The following AGBL3 variants were observed in gnomAD, a reference collection of about 807,000 sequenced individuals.
AGBL3 encodes the protein cytosolic carboxypeptidase 3.
AGBL3 carries 68 observed loss-of-function variants against 94.5 expected under a neutral mutation model. The ratio of observed to expected loss-of-function variants is 0.72; its 90% CI spans 0.59 to 0.88. The LOEUF is 0.88. Among genes scored for constraint, AGBL3 ranks in the 40% least tolerant of loss-of-function variants. AGBL3 has a pLI of 0.00. For synonymous variants in AGBL3, 354 were observed against 370.7 expected, an observed-to-expected ratio of 0.95 and a Z score of 0.52; for missense variants, 934 against 1,103.8, an observed-to-expected ratio of 0.85 and a Z score of 2.18.
At chr7:135,096,786 A>AGAAAGAAG (rs1491093705) in intron 15 of AGBL3, among the ~76,000 whole-genome samples, 5 of 150,808 alleles carry the variant, frequency 3.3e-5, no homozygotes, top group South Asian at 2.1e-4. Flanking sequence ...AAAGAAAGAA[A>AGAAAGAAG]GAAAGAAAAA....
At chr7:135,035,071 C>T in intron 7 of AGBL3, 143 bp downstream of exon 7, 1 of 753,192 alleles carries the variant, frequency 1.3e-6, no homozygotes, top group Non-Finnish European at 1.9e-6. Flanking sequence ...CCCCGTTATT[C>T]ACAACTGTGA....
chr7:135,066,611 C>T (rs984953505), intron 12 of AGBL3, among the ~76,000 whole-genome samples: 5 of 152,222 alleles, frequency 3.3e-5, no homozygotes, highest in African/African-American at 1.2e-4. Context: ...AATCACCCTT[C>T]TGGTATTTAT....
At chr7:135,015,398 T>C (rs1813655122) in intron 4 of AGBL3, among the ~76,000 whole-genome samples, 1 of 152,212 alleles carries the variant, frequency 6.6e-6, no homozygotes, top group Non-Finnish European at 1.5e-5. Context: ...ATATGTCCAT[T>C]CATCTGTCTG....
chr7:135,094,593 GAGA>G (rs1454321822), intron 15 of AGBL3: 4 of 454,028 alleles, frequency 8.8e-6, no homozygotes, highest in Middle Eastern at 3.4e-4. Flanking sequence ...CTGGAAAGGG[GAGA>G]AGAAGAGTAA....
At chr7:135,112,675 T>C (rs1020535911) in intron 15 of AGBL3, among the ~76,000 whole-genome samples, 1 of 152,264 alleles carries the variant, frequency 6.6e-6, no homozygotes, top group Admixed American at 6.5e-5. Context: ...TTTTGCTCTC[T>C]AGTCCTGATT....
intron 12 of AGBL3, among the ~76,000 whole-genome samples, chr7:135,061,511 T>C (rs545310226): frequency 1.3e-5 from 2 of 152,296 alleles, no homozygotes; most frequent in East Asian, 3.9e-4. Flanking sequence ...TCAGTAGTTT[T>C]ATAGTTTCAA....
At chr7:135,034,074 T>A (rs1017075402) in intron 6 of AGBL3, 75 bp from the exon 7 acceptor site, 1 of 1,273,604 alleles carries the variant, frequency 7.9e-7, no homozygotes, top group African/African-American at 1.5e-5. Context: ...TAACTCAAAA[T>A]TTTACATTGG....
chr7:135,128,625 G>A (rs778359096), intron 16 of AGBL3: 38 of 806,942 alleles, frequency 4.7e-5, no homozygotes, highest in African/African-American at 1.0e-4. Flanking sequence ...CCCTGGCAGC[G>A]TGATCCCGTT....
chr7:135,107,042 G>A (rs967604675), intron 15 of AGBL3, among the ~76,000 whole-genome samples: 1 of 151,892 alleles, frequency 6.6e-6, no homozygotes, highest in African/African-American at 2.4e-5. Flanking sequence ...TTTACTGTGG[G>A]GTTAGTGGTA....
intron 12 of AGBL3, among the ~76,000 whole-genome samples, chr7:135,062,062 C>T (rs7794235): frequency 0.49 from 73,609 of 151,702 alleles, 18,217 homozygotes; most frequent in South Asian, 0.66. Flanking sequence ...TGTCTTCTTC[C>T]ATTTCTTTTA....
chr7:135,090,289 G>T (rs1821666809), intron 15 of AGBL3, among the ~76,000 whole-genome samples: 1 of 152,150 alleles, frequency 6.6e-6, no homozygotes, highest in Admixed American at 6.5e-5. Context: ...GCCCTAGAGG[G>T]CCCAGCAGAG....
At chr7:135,021,991 A>G (rs1179936093) in intron 5 of AGBL3, among the ~76,000 whole-genome samples, 1 of 152,196 alleles carries the variant, frequency 6.6e-6, no homozygotes, top group Non-Finnish European at 1.5e-5. Flanking sequence ...TGCAAAGGAC[A>G]TGATCTCATT....
intron 15 of AGBL3, among the ~76,000 whole-genome samples, chr7:135,103,730 CAG>C: frequency 6.6e-6 from 1 of 152,252 alleles, no homozygotes; most frequent in Admixed American, 6.5e-5. Flanking sequence ...TATAAATAAG[CAG>C]AGTCAGGCAG....
chr7:135,117,744 T>C (rs1027419022), intron 16 of AGBL3, among the ~76,000 whole-genome samples: 10 of 152,238 alleles, frequency 6.6e-5, no homozygotes, highest in African/African-American at 2.4e-4. Context: ...TATTTCCATA[T>C]ACACCTATAT....
At chr7:135,008,036 C>A (rs1812611594) in intron 4 of AGBL3, among the ~76,000 whole-genome samples, 1 of 151,962 alleles carries the variant, frequency 6.6e-6, no homozygotes, top group African/African-American at 2.4e-5. Context: ...AAAAGACTTA[C>A]TATTATTACG....
chr7:135,095,909 T>G (rs1453204785), intron 15 of AGBL3, among the ~76,000 whole-genome samples: 1 of 152,190 alleles, frequency 6.6e-6, no homozygotes, highest in Non-Finnish European at 1.5e-5. Flanking sequence ...CCCAGCACTT[T>G]GGGAGGCTGA....
chr7:135,028,623 T>A (rs1459693162), intron 5 of AGBL3, among the ~76,000 whole-genome samples: 1 of 152,180 alleles, frequency 6.6e-6, no homozygotes, highest in Non-Finnish European at 1.5e-5. Flanking sequence ...CTCAAACTTA[T>A]CCATAAGGAA....
intron 4 of AGBL3, among the ~76,000 whole-genome samples, chr7:135,009,355 C>T (rs554715735): frequency 6.6e-6 from 1 of 152,210 alleles, no homozygotes; most frequent in South Asian, 2.1e-4. Context: ...AAACATTATG[C>T]TGAGTGATAG....
chr7:135,129,731 C>A lies in AGBL3; in HGVS notation c.2343-5110C>A, dbSNP rs1490309528. 5.5e-6 allele frequency: 4 copies of A among 725,352 alleles called. No individual in the cohort carries two copies. In the African/African-American group the frequency reaches 7.0e-5, roughly 13 times the overall value. 44.9% of individuals were successfully genotyped at this position (725,352 alleles called of 1,614,324 possible). On this transcript the variant is annotated intron_variant, in intron 16 of 16. Transcript: ENST00000436302. The stretch of plus-strand genomic sequence containing the variant: ...AAGATATGGAAGTGGATTGGTTTTC[C>A]CTAATCTTTTGTCAAGTACACAAAG...
Sources: allele counts gnomAD v4.1 joint callset (sites outside exome capture counted in the v4.1 genomes callset), GRCh38; gene constraint gnomAD v4.1.1; transcripts MANE v1.5; gene names NCBI Gene and HGNC (gene_info 2026-07-23, HGNC 2026-07-21).